Variants in EDA observed in about 807,000 individuals in gnomAD.
The protein encoded by EDA is ectodysplasin-A.
Under a neutral mutation model 23.6 loss-of-function variants are expected in EDA, and 2 were observed. The observed-to-expected ratio is 0.08, with a 90% CI of 0.03 to 0.27. EDA has a LOEUF of 0.27. Ranked by LOEUF, EDA falls within the 10% of genes least tolerant of loss-of-function variation. The pLI is 1.00. For synonymous variants in EDA, 131 were observed against 132.0 expected (o/e 0.99, Z 0.05); for missense variants, 229 against 324.2 (o/e 0.71, Z 2.26).
At chrX:69,762,974 G>A (rs1331158636) in intron 1 of EDA, among the ~76,000 whole-genome samples, 1 of 112,078 alleles carries the variant, frequency 8.9e-6, no homozygotes, top group African/African-American at 3.2e-5. Flanking sequence ...CAGAAAAATA[G>A]GAATGATTTT....
At chrX:69,979,677 T>G (rs1321730252) in intron 2 of EDA, among the ~76,000 whole-genome samples, 1 of 111,786 alleles carries the variant, frequency 8.9e-6, no homozygotes, top group African/African-American at 3.2e-5. Context: ...TTATTGGCCA[T>G]TTGTATATTT....
At chrX:69,835,089 A>AATCCACTCTCT (rs1420783445) in intron 1 of EDA, among the ~76,000 whole-genome samples, 1 of 111,845 alleles carries the variant, frequency 8.9e-6, no homozygotes, top group Non-Finnish European at 1.9e-5. Context: ...ATCAGCTGTT[A>AATCCACTCTCT]GTCTGATGGA....
intron 1 of EDA, among the ~76,000 whole-genome samples, chrX:69,649,133 G>A (rs1311529818): frequency 8.9e-6 from 1 of 112,180 alleles, no homozygotes; most frequent in Non-Finnish European, 1.9e-5. Flanking sequence ...TGAAGGTGCT[G>A]AATTCACTCA....
chrX:69,809,001 T>A (rs774491985), intron 1 of EDA, among the ~76,000 whole-genome samples: 1 of 111,730 alleles, frequency 9.0e-6, no homozygotes, highest in Admixed American at 9.5e-5. Context: ...GTATAATGGG[T>A]CTTATTTCTT....
At chrX:69,710,082 C>G (rs1410196990) in intron 1 of EDA, among the ~76,000 whole-genome samples, 3 of 111,443 alleles carry the variant, frequency 2.7e-5, no homozygotes, top group Non-Finnish European at 5.7e-5. Flanking sequence ...ATGCCTATGT[C>G]CTGAATGGTA....
At chrX:69,772,556 G>A (rs945959779) in intron 1 of EDA, among the ~76,000 whole-genome samples, 4 of 111,149 alleles carry the variant, frequency 3.6e-5, no homozygotes, top group Non-Finnish European at 7.5e-5. Flanking sequence ...ATTGCATGTC[G>A]CTGAGGACTG....
intron 1 of EDA, among the ~76,000 whole-genome samples, chrX:69,707,633 C>G (rs1391358545): frequency 9.0e-6 from 1 of 111,457 alleles, no homozygotes; most frequent in Non-Finnish European, 1.9e-5. Context: ...CCCACTGTGC[C>G]CACTGTAACT....
chrX:69,987,634 A>G (rs1210309670), intron 2 of EDA, among the ~76,000 whole-genome samples: 1 of 110,729 alleles, frequency 9.0e-6, no homozygotes, highest in Non-Finnish European at 1.9e-5. Context: ...AAAAAGAGGT[A>G]AAGGGTCACT....
At position 70,038,406 on chromosome X, in the gene EDA, T is replaced by C. The variant is rs1022427577; in HGVS notation, c.*2797T>C. ...ACTGATGAGAGAATGTGGAAATAGA[T>C]GTGCAGTTTGGAATTATGTTGGTGT... is the stretch of plus-strand genomic sequence containing the variant. On this transcript the variant is annotated 3_prime_UTR_variant, in exon 8 of 8. Transcript: ENST00000374552. 2 of 110,738 alleles carry C rather than the reference T, an allele frequency of 1.8e-5. No individual in the cohort carries two copies. Among genetic ancestry groups the C allele is most frequent in the East Asian group, 5.7e-4 (2 of 3,489 alleles). 9.1% of individuals were successfully genotyped at this position (110,738 alleles called of 1,213,427 possible).
At chrX:70,012,728 C>T (rs930749069) in intron 2 of EDA, among the ~76,000 whole-genome samples, 10 of 112,599 alleles carry the variant, frequency 8.9e-5, no homozygotes, top group Admixed American at 3.7e-4. Flanking sequence ...TTGTGAGCCC[C>T]GAGCCCAGCA....
chrX:69,980,655 G>A (rs1380544285), intron 2 of EDA, among the ~76,000 whole-genome samples: 4 of 112,276 alleles, frequency 3.6e-5, no homozygotes, highest in African/African-American at 1.3e-4. Flanking sequence ...GCCAAGTGCT[G>A]TAATAAAGAT....
At chrX:69,741,579 A>G (rs1477939349) in intron 1 of EDA, among the ~76,000 whole-genome samples, 1 of 111,986 alleles carries the variant, frequency 8.9e-6, no homozygotes, top group Non-Finnish European at 1.9e-5. Flanking sequence ...ATAGTCAGCT[A>G]TTAGCCAACA....
At chrX:69,644,706 A>G (rs1434971438) in intron 1 of EDA, among the ~76,000 whole-genome samples, 4 of 111,481 alleles carry the variant, frequency 3.6e-5, no homozygotes, top group Admixed American at 1.9e-4. Flanking sequence ...TTCAAGGGGA[A>G]TGCTTCTAGC....
At chrX:69,781,915 A>T (rs910515111) in intron 1 of EDA, among the ~76,000 whole-genome samples, 1 of 110,859 alleles carries the variant, frequency 9.0e-6, no homozygotes, top group African/African-American at 3.3e-5. Context: ...GCTCCAGAAC[A>T]TGTAAAATAT....
chrX:69,691,991 C>A (rs746394135), intron 1 of EDA, among the ~76,000 whole-genome samples: 4 of 111,553 alleles, frequency 3.6e-5, no homozygotes, highest in Non-Finnish European at 7.5e-5. Flanking sequence ...TTATTGCTTG[C>A]CAGTAACTTG....
At chrX:69,949,361 G>A (rs891148477) in intron 1 of EDA, among the ~76,000 whole-genome samples, 1 of 111,857 alleles carries the variant, frequency 8.9e-6, no homozygotes, top group Non-Finnish European at 1.9e-5. Context: ...ATTGATAAAT[G>A]AACAATACAG....
At chrX:69,686,955 TG>T (rs1934563859) in intron 1 of EDA, among the ~76,000 whole-genome samples, 1 of 112,002 alleles carries the variant, frequency 8.9e-6, no homozygotes, top group African/African-American at 3.2e-5. Flanking sequence ...GTGGAATTGC[TG>T]GGTCATATGG....
At chrX:69,827,904 G>C (rs754779418) in intron 1 of EDA, among the ~76,000 whole-genome samples, 2 of 111,679 alleles carry the variant, frequency 1.8e-5, no homozygotes, top group South Asian at 7.5e-4. Context: ...CTGATTGTTA[G>C]TCTTCCTTCT....
intron 1 of EDA, among the ~76,000 whole-genome samples, chrX:69,803,651 A>G (rs965566413): frequency 3.6e-5 from 4 of 110,960 alleles, no homozygotes; most frequent in African/African-American, 1.3e-4. Context: ...AACATTTATT[A>G]TTTCTTTGTT....
Sources: gnomAD v4.1 joint callset for allele counts (sites outside exome capture counted in the v4.1 genomes callset) on GRCh38, gnomAD v4.1.1 for gene constraint, MANE v1.5 for transcripts, NCBI Gene and HGNC (gene_info 2026-07-23, HGNC 2026-07-21) for gene names.